The following SLC17A8 variants were observed in gnomAD, a reference collection of about 807,000 sequenced individuals.
SLC17A8 encodes solute carrier family 17 member 8.
SLC17A8 carries 31 observed loss-of-function variants against 58.0 expected under a neutral mutation model. That is an observed-to-expected ratio of 0.53 (90% CI 0.40 to 0.72). The LOEUF is 0.72. Among genes scored for constraint, SLC17A8 ranks in the 30% least tolerant of loss-of-function variants. The probability of loss-of-function intolerance (pLI) is 0.00; values close to 1 mark genes in which losing one functional copy is unlikely to be tolerated. For missense variants in SLC17A8, 655 were observed against 727.8 expected (o/e 0.90, Z 1.15); for synonymous variants, 228 against 249.0 (o/e 0.92, Z 0.79).
intron 9 of SLC17A8, among the ~76,000 whole-genome samples, chr12:100,408,800 T>C (rs1447139556): frequency 6.6e-6 from 1 of 152,236 alleles, no homozygotes; most frequent in Non-Finnish European, 1.5e-5. Flanking sequence ...TGCCTTGTTA[T>C]TTAGGATAGG....
chr12:100,375,080 G>T (rs750017331), intron 1 of SLC17A8, among the ~76,000 whole-genome samples: 39 of 151,044 alleles, frequency 2.6e-4, no homozygotes, highest in Admixed American at 4.0e-4. Context: ...CACACAGAGG[G>T]TGCTTGTGTT....
In SLC17A8 at chr12:100,419,866, A is replaced by G; in HGVS notation, c.1477A>G (p.Ser493Gly). The change falls in exon 12 of 12, where the codon AGT becomes GGT. Residue 493 changes from serine (S) to glycine (G), a missense_variant. Coordinates refer to ENST00000323346, the MANE Select transcript of SLC17A8 (RefSeq NM_139319.3). ...CCTCATAGCTGCCCTGGTGCATTAC[A>G]GTGGTGTGATCTTCTATGGGGTCTT... ...VFLIAALVHY[S>G]GVIFYGVFAS... The G allele has an allele frequency of 6.2e-7, 1 of 1,614,078 alleles. No homozygotes were observed. The highest frequency in any genetic ancestry group is 8.5e-7 in the Non-Finnish European group (1 of 1,180,044).
intron 9 of SLC17A8, among the ~76,000 whole-genome samples, chr12:100,411,860 T>A (rs1363523473): frequency 6.8e-6 from 1 of 147,004 alleles, no homozygotes; most frequent in African/African-American, 2.5e-5. Context: ...TTTTTTTTTT[T>A]AAGAGGCCTG....
At chr12:100,419,061 A>G (rs1292274021) in intron 11 of SLC17A8, among the ~76,000 whole-genome samples, 1 of 152,178 alleles carries the variant, frequency 6.6e-6, no homozygotes, top group African/African-American at 2.4e-5. Context: ...AGTTCTTGTC[A>G]GTCAAGGGTG....
chr12:100,386,915 C>G (rs1170477025), intron 2 of SLC17A8, among the ~76,000 whole-genome samples: 18 of 152,008 alleles, frequency 1.2e-4, no homozygotes. Context: ...TCTCGAACTC[C>G]TGACCTCAAG....
intron 1 of SLC17A8, among the ~76,000 whole-genome samples, chr12:100,375,928 C>A (rs1431306724): frequency 1.3e-5 from 2 of 152,130 alleles, no homozygotes; most frequent in African/African-American, 4.8e-5. Context: ...GAAATTCTAA[C>A]CCTCAGTACC....
intron 1 of SLC17A8, among the ~76,000 whole-genome samples, chr12:100,369,794 T>C (rs12305974): frequency 0.021 from 3,276 of 152,374 alleles, 124 homozygotes; most frequent in African/African-American, 0.074. Flanking sequence ...ATATGTGTGC[T>C]ACTAGTCTAA....
At position 100,412,773 on chromosome 12, in the gene SLC17A8, T is replaced by C; in HGVS notation, c.1190T>C (p.Phe397Ser). The change falls in exon 10 of 12, where the codon TTT becomes TCT. Residue 397 changes from phenylalanine (F) to serine (S), a missense_variant. Physicochemically the swap from Phe to Ser is radical, Grantham distance 155. Transcript: ENST00000323346. Reference protein sequence around the residue: ...AVRKIMNCGGFGMEATLLLVV... With the variant: ...AVRKIMNCGGSGMEATLLLVV... ...CCCTTGCTGTTTCCATTTGCAGGTT[T>C]TGGCATGGAGGCAACCTTACTCCTG... 12 of 1,613,206 alleles carry C rather than the reference T, an allele frequency of 7.4e-6. No homozygotes were observed. Among genetic ancestry groups the C allele is most frequent in the Non-Finnish European group, 1.0e-5 (12 of 1,179,162 alleles).
At chr12:100,362,023 A>C (rs1243184691) in intron 1 of SLC17A8, among the ~76,000 whole-genome samples, 1 of 152,160 alleles carries the variant, frequency 6.6e-6, no homozygotes, top group Non-Finnish European at 1.5e-5. Context: ...GCATGCTCAC[A>C]ATGCCCAGTG....
chr12:100,366,808 C>T (rs1480298514), intron 1 of SLC17A8, among the ~76,000 whole-genome samples: 2 of 152,200 alleles, frequency 1.3e-5, no homozygotes, highest in African/African-American at 4.8e-5. Flanking sequence ...ATTGGCTGCC[C>T]ATTTTATTTT....
intron 1 of SLC17A8, among the ~76,000 whole-genome samples, chr12:100,378,104 G>A (rs1182858275): frequency 6.6e-6 from 1 of 152,144 alleles, no homozygotes; most frequent in Non-Finnish European, 1.5e-5. Flanking sequence ...CCCAGAGCCT[G>A]CTTAGATGTC....
intron 1 of SLC17A8, among the ~76,000 whole-genome samples, chr12:100,364,430 G>A (rs1952505356): frequency 6.6e-6 from 1 of 152,192 alleles, no homozygotes; most frequent in African/African-American, 2.4e-5. Context: ...CATTAGTCTT[G>A]TTGCTGACCG....
chr12:100,376,535 T>A (rs1203963925), intron 1 of SLC17A8, among the ~76,000 whole-genome samples: 2 of 152,210 alleles, frequency 1.3e-5, no homozygotes, highest in Non-Finnish European at 2.9e-5. Context: ...CTCTACCCAC[T>A]AAGGGCTGTG....
intron 9 of SLC17A8, 138 bp from the exon 10 acceptor site, chr12:100,412,632 G>GT (rs1952877585): frequency 7.8e-6 from 4 of 514,750 alleles, no homozygotes; most frequent in African/African-American, 2.2e-5. Context: ...AGAACTTAAA[G>GT]TAAAAAAAAA....
intron 11 of SLC17A8, 56 bp downstream of exon 11, chr12:100,418,212 C>T (rs941418750): frequency 5.6e-6 from 9 of 1,610,280 alleles, no homozygotes; most frequent in African/African-American, 4.0e-5. Flanking sequence ...GAGCTCTACA[C>T]AAACTTGAGA....
At chr12:100,399,896 C>A (rs765415738) in intron 5 of SLC17A8, among the ~76,000 whole-genome samples, 1 of 152,164 alleles carries the variant, frequency 6.6e-6, no homozygotes, top group Non-Finnish European at 1.5e-5. Context: ...AGAGTAAGGG[C>A]TTTGGGGTTC....
At chr12:100,391,360 C>G (rs1372913343) in intron 3 of SLC17A8, among the ~76,000 whole-genome samples, 2 of 151,902 alleles carry the variant, frequency 1.3e-5, no homozygotes, top group African/African-American at 2.4e-5. Context: ...TCTTGGCTCA[C>G]TGCAACCTCT....
rs886048787 is a variant in SLC17A8, at chr12:100,380,960, A to G, written c.354+7A>G. ...TGGAAAACCGGAAATTCAGGTTGGT[A>G]TCAGTCCATGGTGGAAGACTTTTCT... is the stretch of plus-strand genomic sequence containing the variant. On this transcript the variant is annotated splice_region_variant and intron_variant, in intron 2 of 11. Coordinates refer to ENST00000323346, the MANE Select transcript of SLC17A8 (RefSeq NM_139319.3). 1.9e-6 allele frequency: 3 copies of G among 1,613,944 alleles called. No homozygotes were observed. In the African/African-American group the frequency reaches 4.0e-5, roughly 22 times the overall value.
chr12:100,391,171 C>T, intron 3 of SLC17A8, 52 bp downstream of exon 3: 1 of 1,273,534 alleles, frequency 7.9e-7, no homozygotes, highest in Non-Finnish European at 1.1e-6. Context: ...TGGCTTTGTA[C>T]CTATAAATTC....
Sources: allele counts gnomAD v4.1 joint callset (sites outside exome capture counted in the v4.1 genomes callset), GRCh38; gene constraint gnomAD v4.1.1; transcripts MANE v1.5; gene names NCBI Gene and HGNC (gene_info 2026-07-23, HGNC 2026-07-21).